ADAMTS19: variants seen among roughly 807,000 people sequenced by gnomAD.
ADAMTS19 encodes the protein ADAM metallopeptidase with thrombospondin type 1 motif 19.
A neutral mutation model predicts 153.3 loss-of-function variants in ADAMTS19; 93 were observed. The ratio of observed to expected loss-of-function variants is 0.61; its 90% CI spans 0.51 to 0.72. ADAMTS19 has a LOEUF of 0.72. ADAMTS19 is among the 30% of genes least tolerant of loss of function. ADAMTS19 has a pLI of 0.00. For missense variants in ADAMTS19, 1,482 were observed against 1,552.1 expected (o/e 0.95, Z 0.76); for synonymous variants, 600 against 556.6 (o/e 1.08, Z -1.10).
At chr5:129,507,166 C>G (rs1423566434) in intron 2 of ADAMTS19, among the ~76,000 whole-genome samples, 2 of 151,922 alleles carry the variant, frequency 1.3e-5, no homozygotes, top group Non-Finnish European at 2.9e-5. Flanking sequence ...GCATGTTTGC[C>G]TGAGCTGTGC....
chr5:129,519,495 TTG>T (rs1303341524), intron 3 of ADAMTS19, among the ~76,000 whole-genome samples: 1 of 152,052 alleles, frequency 6.6e-6, no homozygotes, highest in Non-Finnish European at 1.5e-5. Flanking sequence ...TCTCAGTATA[TTG>T]TGTGTACCTC....
chr5:129,685,647 G>A (rs753403291), intron 18 of ADAMTS19, among the ~76,000 whole-genome samples: 2 of 152,128 alleles, frequency 1.3e-5, no homozygotes, highest in Non-Finnish European at 2.9e-5. Context: ...CAGAAGAATT[G>A]AAGAAAGAGA....
intron 7 of ADAMTS19, among the ~76,000 whole-genome samples, chr5:129,582,395 T>C (rs1749559340): frequency 6.6e-6 from 1 of 151,796 alleles, no homozygotes; most frequent in South Asian, 2.1e-4. Context: ...AAGTCTGTTT[T>C]ATCAGAGACT....
At chr5:129,674,163 G>A (rs1030937666) in intron 16 of ADAMTS19, among the ~76,000 whole-genome samples, 8 of 151,902 alleles carry the variant, frequency 5.3e-5, no homozygotes, top group African/African-American at 1.2e-4. Flanking sequence ...CCCGGGAGGC[G>A]GAGGTTGCAA....
Position 129,460,457 on chromosome 5 carries a change from G to T in ADAMTS19, c.66G>T (p.Gly22=), listed in dbSNP as rs745617888. ...ICCCCLLYQL[G]FLSNGIVSEL... Reference sequence around the variant, plus strand: ...GCTGCTGCCTCCTTTACCAGCTGGGGTTCCTGTCGAATGGGATCGTTTCAG... The same window carrying T: ...GCTGCTGCCTCCTTTACCAGCTGGGTTTCCTGTCGAATGGGATCGTTTCAG... Residue 22 remains glycine (G), a synonymous_variant, in exon 1 of 23, where the codon GGG becomes GGT. Transcript: ENST00000274487. 1.9e-6 allele frequency: 3 copies of T among 1,614,178 alleles called. No individual in the cohort carries two copies. The highest frequency in any genetic ancestry group is 4.5e-5 in the East Asian group (2 of 44,864).
chr5:129,524,873 A>G (rs1034357794), intron 3 of ADAMTS19, among the ~76,000 whole-genome samples: 4 of 152,062 alleles, frequency 2.6e-5, no homozygotes, highest in Admixed American at 6.6e-5. Context: ...GGTTTTTAAG[A>G]GCATTTCTTC....
chr5:129,711,177 G>T (rs1397752805), intron 21 of ADAMTS19, among the ~76,000 whole-genome samples: 1 of 151,778 alleles, frequency 6.6e-6, no homozygotes, highest in East Asian at 1.9e-4. Flanking sequence ...TAAATTTAAG[G>T]GAATAATTAG....
At chr5:129,572,977 G>T (rs538648175) in intron 7 of ADAMTS19, among the ~76,000 whole-genome samples, 11 of 152,126 alleles carry the variant, frequency 7.2e-5, no homozygotes, top group African/African-American at 2.6e-4. Context: ...TGTTAGATTT[G>T]CTTTTAGCAT....
At chr5:129,496,114 G>C (rs1750921912) in intron 2 of ADAMTS19, among the ~76,000 whole-genome samples, 1 of 152,090 alleles carries the variant, frequency 6.6e-6, no homozygotes, top group East Asian at 1.9e-4. Context: ...TCCTTTTAAG[G>C]GGGGGCACAT....
intron 3 of ADAMTS19, among the ~76,000 whole-genome samples, chr5:129,512,784 A>G (rs1245872962): frequency 6.6e-6 from 1 of 151,890 alleles, no homozygotes; most frequent in African/African-American, 2.4e-5. Flanking sequence ...TTTATAAACT[A>G]TCCCCCTCAT....
intron 18 of ADAMTS19, among the ~76,000 whole-genome samples, chr5:129,692,811 C>T: frequency 6.6e-6 from 1 of 152,164 alleles, no homozygotes; most frequent in Non-Finnish European, 1.5e-5. Context: ...CAAGGCCCTC[C>T]CCATTGCTGG....
intron 21 of ADAMTS19, among the ~76,000 whole-genome samples, chr5:129,733,936 AGTGTGTGCGTGTGTGTGTGTGTGTGT>A (rs1315719816): frequency 4.2e-5 from 6 of 143,460 alleles, no homozygotes; most frequent in East Asian, 4.3e-4. Context: ...GGATAAAGCA[AGTGTGTGCGTGTGTGTGTGTGTGTGT>A]GTGTGTGTGT....
chr5:129,545,324 T>G (rs1437804216), intron 6 of ADAMTS19, among the ~76,000 whole-genome samples: 1 of 152,086 alleles, frequency 6.6e-6, no homozygotes, highest in Non-Finnish European at 1.5e-5. Flanking sequence ...GAAGAGAGCA[T>G]TAGTGGATTG....
chr5:129,592,845 G>A (rs1227550767), intron 7 of ADAMTS19, among the ~76,000 whole-genome samples: 1 of 151,886 alleles, frequency 6.6e-6, no homozygotes, highest in Admixed American at 6.5e-5. Context: ...TGATAAAACT[G>A]TATCTTTTTG....
At chr5:129,494,618 T>A (rs1750867688) in intron 2 of ADAMTS19, among the ~76,000 whole-genome samples, 2 of 152,156 alleles carry the variant, frequency 1.3e-5, no homozygotes, top group Admixed American at 1.3e-4. Flanking sequence ...CTAGATGAAA[T>A]TTAAATATGA....
chr5:129,549,364 G>A (rs1229738631), intron 6 of ADAMTS19, among the ~76,000 whole-genome samples: 9 of 151,382 alleles, frequency 5.9e-5, no homozygotes, highest in Non-Finnish European at 1.3e-4. Flanking sequence ...AGAGAAAATG[G>A]ATGTTGAAAA....
Position 129,461,900 on chromosome 5 carries a change from C to A in ADAMTS19, c.747+143C>A. 8.1e-7 allele frequency: 1 copy of A among 1,228,932 alleles called. No homozygotes were observed. Among genetic ancestry groups the A allele is most frequent in the Non-Finnish European group, 1.1e-6 (1 of 949,398 alleles). 76.1% of individuals were successfully genotyped at this position (1,228,932 alleles called of 1,614,324 possible). On this transcript the variant is annotated intron_variant, in intron 2 of 22. Coordinates refer to ENST00000274487, the MANE Select transcript of ADAMTS19 (RefSeq NM_133638.6). The surrounding 1 kb of genome is among the most constrained non-coding windows in gnomAD (Gnocchi z 4.6). ...CCTAGACTGCACCCCCAGGTGTCTACATCGTTTGCCTCCCATGGAACATCT... is the reference window on the plus strand; with the variant it reads ...CCTAGACTGCACCCCCAGGTGTCTAAATCGTTTGCCTCCCATGGAACATCT...
chr5:129,663,085 G>T (rs548909091), intron 15 of ADAMTS19, among the ~76,000 whole-genome samples: 2 of 151,736 alleles, frequency 1.3e-5, no homozygotes, highest in African/African-American at 2.4e-5. Flanking sequence ...TAGTAGAGAC[G>T]GGGTTTCACT....
intron 21 of ADAMTS19, among the ~76,000 whole-genome samples, chr5:129,708,845 A>G (rs952248777): frequency 6.6e-6 from 1 of 152,152 alleles, no homozygotes; most frequent in African/African-American, 2.4e-5. Context: ...TTTTGGACAC[A>G]TATAAAGTTA....
Sources: gnomAD v4.1 joint callset for allele counts (sites outside exome capture counted in the v4.1 genomes callset) on GRCh38, gnomAD v4.1.1 for gene constraint, Gnocchi (gnomAD v3.1) non-coding constraint, MANE v1.5 for transcripts, NCBI Gene and HGNC (gene_info 2026-07-23, HGNC 2026-07-21) for gene names.